Variants in GNB2 observed in about 807,000 individuals in gnomAD.
GNB2 encodes guanine nucleotide-binding protein G(I)/G(S)/G(T) subunit beta-2.
A neutral mutation model predicts 40.7 loss-of-function variants in GNB2; 7 were observed. That is an observed-to-expected ratio of 0.17 (90% CI 0.10 to 0.32). GNB2 has a LOEUF of 0.32. Among genes scored for constraint, GNB2 ranks in the 10% least tolerant of loss-of-function variants. The pLI is 1.00. For synonymous variants in GNB2, 254 were observed against 191.2 expected (o/e 1.33, Z -2.71); for missense variants, 286 against 473.0 (o/e 0.60, Z 3.67).
chr7:100,676,491 A>C, intron 2 of GNB2, 44 bp from the exon 3 acceptor site: 1 of 1,550,698 alleles, frequency 6.4e-7, no homozygotes, highest in Non-Finnish European at 8.9e-7. Flanking sequence ...TTCCTCCCCA[A>C]CCTGTCTTCT....
At position 100,673,841 on chromosome 7, in the gene GNB2, G is replaced by T. The variant is rs922248151; in HGVS notation, c.-172G>T. ...CGCCGCCGCCGCCGCCGCCGCCGCC[G>T]CCGCCGCCGCCTCCGCCGCGGAGGA... On this transcript the variant is annotated 5_prime_UTR_variant, in exon 1 of 10. Transcript: ENST00000303210. 1.6e-5 allele frequency: 3 copies of T among 189,884 alleles called. No individual in the cohort carries two copies. Among genetic ancestry groups the T allele is most frequent in the Non-Finnish European group, 3.1e-5 (3 of 97,366 alleles). 11.8% of individuals were successfully genotyped at this position (189,884 alleles called of 1,614,324 possible).
In GNB2 at chr7:100,673,844, G is replaced by GCCGCCT. The variant is rs1405055332; in HGVS notation, c.-164_-163insTCCGCC. 5.8e-5 allele frequency: 11 copies of GCCGCCT among 190,292 alleles called. No homozygotes were observed. The highest frequency in any genetic ancestry group is 1.1e-4 in the Non-Finnish European group (11 of 97,516). The allele number at this position is 190,292 out of a possible 1,614,324, so 11.8% of individuals were successfully genotyped here. A position where few individuals can be genotyped will look rare whatever the true frequency, so the allele number is the denominator to read the frequency against. ...CGCCGCCGCCGCCGCCGCCGCCGCC[G>GCCGCCT]CCGCCGCCTCCGCCGCGGAGGAAGA... On this transcript the variant is annotated 5_prime_UTR_variant, in exon 1 of 10. Transcript: ENST00000303210.
In GNB2 at chr7:100,677,273, C is replaced by T. The variant is rs537519514; in HGVS notation, c.204-79C>T. ...GCCTGCACAACAGAGAGAGACCCTA[C>T]CTTCTCCCACCCAAAGGGAAGGGGG... On this transcript the variant is annotated intron_variant, in intron 4 of 9. Coordinates refer to ENST00000303210, the MANE Select transcript of GNB2 (RefSeq NM_005273.4). 38 of 1,139,716 alleles carry T rather than the reference C, an allele frequency of 3.3e-5. 1 individual carries two copies. The South Asian group carries it at 4.0e-4, about 12-fold the overall frequency. The allele number at this position is 1,139,716 out of a possible 1,614,324, so 70.6% of individuals were successfully genotyped here.
At chr7:100,674,554 G>A (rs111267662) in intron 1 of GNB2, among the ~76,000 whole-genome samples, 68 of 151,782 alleles carry the variant, frequency 4.5e-4, no homozygotes, top group African/African-American at 1.6e-3. Context: ...GGTCGTAGGG[G>A]CTGGAGGGCC....
chr7:100,675,894 C>G (rs1804336307), intron 1 of GNB2: 1 of 243,302 alleles, frequency 4.1e-6, no homozygotes, highest in Non-Finnish European at 7.9e-6. Flanking sequence ...GCCCCAGTTC[C>G]TGCCGCGGGT....
At chr7:100,675,890 G>C (rs1804336190) in intron 1 of GNB2, 2 of 227,724 alleles carry the variant, frequency 8.8e-6, no homozygotes, top group East Asian at 1.0e-4. Context: ...CCCCGCCCCA[G>C]TTCCTGCCGC....
At position 100,677,325 on chromosome 7, in the gene GNB2, T is replaced by C. The variant is rs762404786; in HGVS notation, c.204-27T>C. 2.5e-6 allele frequency: 4 copies of C among 1,600,254 alleles called. No individual in the cohort carries two copies. The Admixed American group carries it at 6.7e-5, about 27-fold the overall frequency. ...GTGTCTTGTTTTCACGCCACCCTTC[T>C]GCTCTCCCTACACCGTTCCCCACCA... On this transcript the variant is annotated intron_variant, in intron 4 of 9. Transcript: ENST00000303210.
At position 100,677,652 on chromosome 7, in the gene GNB2, G is replaced by C; in HGVS notation, c.422G>C (p.Gly141Ala). 1 of 1,613,466 alleles carries C rather than the reference G, an allele frequency of 6.2e-7. No homozygotes were observed. Among genetic ancestry groups the C allele is most frequent in the Non-Finnish European group, 8.5e-7 (1 of 1,179,986 alleles). Reference sequence around the variant, plus strand: ...GTCAGGGTCAGCCGGGAGCTGCCTGGCCACACTGGTGAGGGGCCTGGCCCA... The same window carrying C: ...GTCAGGGTCAGCCGGGAGCTGCCTGCCCACACTGGTGAGGGGCCTGGCCCA... ...GNVRVSRELPGHTGYLSCCRF... is the reference protein window; with the variant it reads ...GNVRVSRELPAHTGYLSCCRF... Residue 141 changes from glycine to alanine, a missense_variant, in exon 6 of 10, where the codon GGC becomes GCC. By Grantham distance (60) the Gly-to-Ala change is moderately conservative. Transcript: ENST00000303210.
rs997938887 is a variant in GNB2 at position 100,673,905 on chromosome 7, C to T, written c.-108C>T. 1.7e-5 allele frequency: 3 copies of T among 177,890 alleles called. No homozygotes were observed. Among genetic ancestry groups the T allele is most frequent in the Non-Finnish European group, 3.4e-5 (3 of 87,826 alleles). The allele number at this position is 177,890 out of a possible 1,614,324, so 11.0% of individuals were successfully genotyped here. On this transcript the variant is annotated 5_prime_UTR_variant, in exon 1 of 10. Transcript: ENST00000303210. ...CGCGCACCGCCAGCGACCTCCGCCG[C>T]AGAGTCCCACCGCCACAGGTACCTT...
intron 9 of GNB2, 38 bp from the exon 10 acceptor site, chr7:100,678,657 C>T (rs747216923): frequency 1.2e-6 from 2 of 1,608,770 alleles, no homozygotes; most frequent in East Asian, 4.5e-5. Flanking sequence ...GACCTGGAGC[C>T]CAGGCCCAAT....
intron 1 of GNB2, chr7:100,675,436 T>G (rs1021934264): frequency 2.6e-5 from 4 of 151,472 alleles, no homozygotes; most frequent in African/African-American, 9.7e-5. Context: ...CCGGGGATTA[T>G]CCGGGGTGAG....
chr7:100,675,521 G>C (rs992207991), intron 1 of GNB2: 2 of 152,160 alleles, frequency 1.3e-5, no homozygotes, highest in Non-Finnish European at 2.9e-5. Flanking sequence ...GTTCTGGGGA[G>C]GGCGGGAGGC....
intron 1 of GNB2, among the ~76,000 whole-genome samples, chr7:100,674,446 C>G (rs569071704): frequency 1.2e-4 from 18 of 152,288 alleles, no homozygotes; most frequent in African/African-American, 4.3e-4. Flanking sequence ...CTCGCCGAAA[C>G]TGGAGCCCTC....
Position 100,678,117 on chromosome 7 carries a change from A to G in GNB2, c.517A>G (p.Thr173Ala). 6.2e-7 allele frequency: 1 copy of G among 1,613,466 alleles called. No homozygotes were observed. Residue 173 changes from threonine (T) to alanine (A), a missense_variant, in exon 8 of 10, where the codon ACA (threonine) becomes GCA (alanine). Transcript: ENST00000303210. ...DTTCALWDIE[T>A]GQQTVGFAGH... Reference sequence around the variant, plus strand: ...CTCCAGTGCCCTGTGGGACATTGAGACAGGCCAGCAGACAGTGGGTTTTGC... The same window carrying G: ...CTCCAGTGCCCTGTGGGACATTGAGGCAGGCCAGCAGACAGTGGGTTTTGC...
At position 100,673,868 on chromosome 7, in the gene GNB2, G is replaced by C. The variant is rs758136960; in HGVS notation, c.-145G>C. 2.2e-3 allele frequency: 411 copies of C among 185,232 alleles called. 3 individuals carry two copies. The highest frequency in any genetic ancestry group is 3.2e-3 in the Non-Finnish European group (297 of 93,754). The allele number at this position is 185,232 out of a possible 1,614,324, so 11.5% of individuals were successfully genotyped here. On this transcript the variant is annotated 5_prime_UTR_variant, in exon 1 of 10. Coordinates refer to ENST00000303210, the MANE Select transcript of GNB2 (RefSeq NM_005273.4). ...CGCCGCCGCCTCCGCCGCGGAGGAA[G>C]ACAGCGCCGCCCGCGCACCGCCAGC...
At chr7:100,675,076 G>C (rs1804320305) in intron 1 of GNB2, among the ~76,000 whole-genome samples, 1 of 151,932 alleles carries the variant, frequency 6.6e-6, no homozygotes, top group African/African-American at 2.4e-5. Flanking sequence ...GTGTACGGCC[G>C]GATCGCACAG....
chr7:100,677,164 A>G (rs1804367665), intron 4 of GNB2, 188 bp from the exon 5 acceptor site: 2 of 608,904 alleles, frequency 3.3e-6, no homozygotes, highest in South Asian at 1.9e-5. Context: ...AGTCCCAGCT[A>G]TGCGGGGGAG....
Position 100,678,811 on chromosome 7 carries a change from C to T in GNB2, c.*10C>T, listed in dbSNP as rs1804426303. On this transcript the variant is annotated 3_prime_UTR_variant, in exon 10 of 10. Transcript: ENST00000303210. ...CAAGATCTGGAACTAATGGCCCCAC[C>T]CCCACTGGGCCCAGGCCAGGAGGGG... 1.9e-6 allele frequency: 3 copies of T among 1,582,722 alleles called. No homozygotes were observed. Among genetic ancestry groups the T allele is most frequent in the African/African-American group, 2.7e-5 (2 of 74,388 alleles).
chr7:100,678,665 A>G (rs773728037), intron 9 of GNB2, 30 bp from the exon 10 acceptor site: 1 of 1,609,110 alleles, frequency 6.2e-7, no homozygotes, highest in East Asian at 2.2e-5. Flanking sequence ...GCCCAGGCCC[A>G]ATGGGTTCTG....
Sources: gnomAD v4.1 joint callset for allele counts (sites outside exome capture counted in the v4.1 genomes callset) on GRCh38, gnomAD v4.1.1 for gene constraint, MANE v1.5 for transcripts, NCBI Gene and HGNC (gene_info 2026-07-23, HGNC 2026-07-21) for gene names.